The following LGI1 variants were observed in gnomAD, a reference collection of about 807,000 sequenced individuals.
The protein encoded by LGI1 is leucine rich glioma inactivated 1.
Under a neutral mutation model 57.7 loss-of-function variants are expected in LGI1, and 11 were observed. The observed-to-expected ratio is 0.19, with a 90% CI of 0.12 to 0.32. LGI1 has a LOEUF of 0.32. Among genes scored for constraint, LGI1 ranks in the 10% least tolerant of loss-of-function variants. The probability of loss-of-function intolerance (pLI) is 1.00; values close to 1 mark genes in which losing one functional copy is unlikely to be tolerated. For synonymous variants in LGI1, 222 were observed against 241.9 expected (o/e 0.92, Z 0.76); for missense variants, 422 against 661.9 (o/e 0.64, Z 3.98).
intron 2 of LGI1, chr10:93,759,143 G>A (rs9420629): frequency 1.6e-5 from 6 of 384,296 alleles, no homozygotes; most frequent in Non-Finnish European, 2.4e-5. Context: ...TTGGGAACTT[G>A]GGTTCTTTTG....
At chr10:93,778,009 T>C (rs1224159719) in intron 4 of LGI1, among the ~76,000 whole-genome samples, 5 of 152,220 alleles carry the variant, frequency 3.3e-5, no homozygotes, top group Admixed American at 6.5e-5. Flanking sequence ...CCACAGGCGA[T>C]GTCTTCATAG....
intron 2 of LGI1, among the ~76,000 whole-genome samples, chr10:93,766,568 G>C (rs1049567343): frequency 4.4e-5 from 6 of 135,566 alleles, no homozygotes; most frequent in Admixed American, 8.1e-5. Flanking sequence ...GCAGTGGCGC[G>C]ATCTCGGCTC....
chr10:93,760,053 A>G (rs2059606928), intron 2 of LGI1, among the ~76,000 whole-genome samples: 1 of 152,254 alleles, frequency 6.6e-6, no homozygotes, highest in Non-Finnish European at 1.5e-5. Flanking sequence ...ATATCAAGCT[A>G]AAAAGCTAAA....
chr10:93,792,449 AC>A (rs2059945114), intron 5 of LGI1: 1 of 332,262 alleles, frequency 3.0e-6, no homozygotes. Context: ...ATTTTAAATT[AC>A]AATTACGGTT....
At chr10:93,765,306 T>A (rs2059662559) in intron 2 of LGI1, 1 of 152,198 alleles carries the variant, frequency 6.6e-6, no homozygotes, top group Non-Finnish European at 1.5e-5. Flanking sequence ...ACTGTGGTTC[T>A]GAAACTCAAA....
Position 93,758,254 on chromosome 10 carries a change from C to G in LGI1, c.110C>G (p.Pro37Arg). ...SALLLTEGKK[P>R]AKPKCPAVCT... Reference sequence around the variant, plus strand: ...CTTTTGCTGACTGAGGGGAAGAAACCAGCGAAGCCAAAATGCCCTGCCGTG... The same window carrying G: ...CTTTTGCTGACTGAGGGGAAGAAACGAGCGAAGCCAAAATGCCCTGCCGTG... The change falls in exon 1 of 8, where the codon CCA becomes CGA. Residue 37 changes from proline to arginine, a missense_variant. By Grantham distance (103) the Pro-to-Arg change is moderately radical (BLOSUM62 -2). Around this residue, in one of 3 missense-constraint regions of LGI1, gnomAD observed 58 missense variants for 61.8 expected, o/e 0.94. Transcript: ENST00000371418. This position sits in a 1 kb window ranked among gnomAD's most constrained non-coding sequence, Gnocchi z 4.7. 1 of 1,614,158 alleles carries G rather than the reference C, an allele frequency of 6.2e-7. No individual in the cohort carries two copies. The highest frequency in any genetic ancestry group is 8.5e-7 in the Non-Finnish European group (1 of 1,180,020).
rs1396448130 is a variant in LGI1 at position 93,777,557 on chromosome 10, A to G, written c.371A>G (p.Asn124Ser). The change falls in exon 4 of 8, where the codon AAC (asparagine) becomes AGC (serine). Residue 124 changes from asparagine to serine, a missense_variant. This residue lies in a region of LGI1 where 63 missense variants were observed against 138.4 expected (regional missense o/e 0.46). Transcript: ENST00000371418. ...LPHLEYLFIE[N>S]NNIKSISRHT... Reference sequence around the variant, plus strand: ...ATAACTTATTGCAGATTCATAGAAAACAACAACATCAAGTCAATTTCAAGA... The same window carrying G: ...ATAACTTATTGCAGATTCATAGAAAGCAACAACATCAAGTCAATTTCAAGA... 6.2e-7 allele frequency: 1 copy of G among 1,613,658 alleles called. No individual in the cohort carries two copies. The highest frequency in any genetic ancestry group is 8.5e-7 in the Non-Finnish European group (1 of 1,179,606).
At chr10:93,781,282 C>T (rs1479063805) in intron 4 of LGI1, among the ~76,000 whole-genome samples, 1 of 152,018 alleles carries the variant, frequency 6.6e-6, no homozygotes, top group Non-Finnish European at 1.5e-5. Flanking sequence ...TGGCATGAAC[C>T]CGGGAGGCGG....
chr10:93,789,257 T>G (rs949505585), intron 4 of LGI1: 1 of 152,180 alleles, frequency 6.6e-6, no homozygotes, highest in South Asian at 2.1e-4. Context: ...ATAAGAAAAC[T>G]TTTTTCTGAG....
chr10:93,765,913 T>G (rs2059670771), intron 2 of LGI1, among the ~76,000 whole-genome samples: 1 of 141,316 alleles, frequency 7.1e-6, no homozygotes, highest in East Asian at 2.1e-4. Context: ...GAGCTTGCAG[T>G]GAGCCGAGAT....
chr10:93,780,957 C>A (rs1013492915), intron 4 of LGI1, among the ~76,000 whole-genome samples: 3 of 152,192 alleles, frequency 2.0e-5, no homozygotes. Flanking sequence ...CCCTTACCTG[C>A]GCCTTTATAT....
intron 2 of LGI1, 113 bp from the exon 3 acceptor site, chr10:93,777,266 C>T (rs952079874): frequency 1.8e-5 from 16 of 868,538 alleles, no homozygotes; most frequent in Admixed American, 1.8e-5. Flanking sequence ...AGCAGACAGC[C>T]ATGCAGACAT....
Position 93,797,373 on chromosome 10 carries a change from A to G in LGI1, c.1244A>G (p.Lys415Arg). The change falls in exon 8 of 8, where the codon AAA (lysine) becomes AGA (arginine). Residue 415 changes from lysine (K) to arginine (R), a missense_variant. By Grantham distance (26) the Lys-to-Arg change is conservative. Transcript: ENST00000371418. The surrounding 1 kb of genome is among the most constrained non-coding windows in gnomAD (Gnocchi z 6.5). ...CGTCCTGTAATTTATCAGTGGAACAAAGCAACACAATTATTCACTAACCAA... is the reference window on the plus strand; with the variant it reads ...CGTCCTGTAATTTATCAGTGGAACAGAGCAACACAATTATTCACTAACCAA... Reference protein sequence around the residue: ...SQRPVIYQWNKATQLFTNQTD... With the variant: ...SQRPVIYQWNRATQLFTNQTD... 6.2e-7 allele frequency: 1 copy of G among 1,614,228 alleles called. No individual in the cohort carries two copies. The highest frequency in any genetic ancestry group is 1.1e-5 in the South Asian group (1 of 91,078).
intron 4 of LGI1, among the ~76,000 whole-genome samples, chr10:93,778,533 C>A: frequency 6.6e-6 from 1 of 152,126 alleles, no homozygotes; most frequent in East Asian, 1.9e-4. Context: ...GCCAAACAGG[C>A]ACAATAATCC....
chr10:93,762,385 C>T (rs907993646), intron 2 of LGI1: 4 of 152,178 alleles, frequency 2.6e-5, no homozygotes, highest in African/African-American at 2.4e-5. Context: ...AAGGCATGAA[C>T]AAAAGAAGGA....
intron 7 of LGI1, chr10:93,794,019 C>CTTTTTTTTTTTTTTTT (rs5787082): frequency 3.8e-4 from 33 of 87,740 alleles, no homozygotes; most frequent in Non-Finnish European, 5.3e-4. Context: ...CTTTTTTTTT[C>CTTTTTTTTTTTTTTTT]TTTTTTTTTT....
At position 93,758,997 on chromosome 10, in the gene LGI1, A is replaced by G; in HGVS notation, c.287+166A>G. On this transcript the variant is annotated intron_variant, in intron 2 of 7. Coordinates refer to ENST00000371418, the MANE Select transcript of LGI1 (RefSeq NM_005097.4). The surrounding 1 kb of genome is among the most constrained non-coding windows in gnomAD (Gnocchi z 4.7). Reference sequence around the variant, plus strand: ...TGGGTTTGTTTGCGACTTCACACCAACAGTGCAGGTTGATTCTTACAATGG... The same window carrying G: ...TGGGTTTGTTTGCGACTTCACACCAGCAGTGCAGGTTGATTCTTACAATGG... 1.6e-6 allele frequency: 1 copy of G among 639,452 alleles called. No homozygotes were observed. Among genetic ancestry groups the G allele is most frequent in the Non-Finnish European group, 2.8e-6 (1 of 359,640 alleles). The allele number at this position is 639,452 out of a possible 1,614,324, so 39.6% of individuals were successfully genotyped here.
intron 2 of LGI1, chr10:93,765,284 G>C (rs990242372): frequency 6.6e-6 from 1 of 152,218 alleles, no homozygotes; most frequent in Non-Finnish European, 1.5e-5. Context: ...TAAAATATTA[G>C]AGGTAGATTA....
chr10:93,794,966 A>T (rs1289851454), intron 7 of LGI1: 1 of 151,144 alleles, frequency 6.6e-6, no homozygotes, highest in Non-Finnish European at 1.5e-5. Flanking sequence ...CCAAACTGAG[A>T]CCCTTTTGGA....
Sources: allele counts gnomAD v4.1 joint callset (sites outside exome capture counted in the v4.1 genomes callset), GRCh38; gene constraint gnomAD v4.1.1; regional missense constraint gnomAD v4.1.1; non-coding constraint Gnocchi (gnomAD v3.1); transcripts MANE v1.5; gene names NCBI Gene and HGNC (gene_info 2026-07-23, HGNC 2026-07-21).